The following NRXN3 variants were observed in gnomAD, a reference collection of about 807,000 sequenced individuals.
The protein encoded by NRXN3 is neurexin III.
NRXN3 carries 32 observed loss-of-function variants against 137.6 expected under a neutral mutation model. The observed-to-expected ratio is 0.23, with a 90% CI of 0.18 to 0.31. The LOEUF is 0.31. Ranked by LOEUF, NRXN3 falls within the 10% of genes least tolerant of loss-of-function variation. The pLI is 1.00. For synonymous variants in NRXN3, 798 were observed against 784.5 expected, an observed-to-expected ratio of 1.02 and a Z score of -0.29; for missense variants, 1,574 against 2,062.5, an observed-to-expected ratio of 0.76 and a Z score of 4.59.
intron 15 of NRXN3, among the ~76,000 whole-genome samples, chr14:79,274,724 A>G (rs1183063732): frequency 2.6e-5 from 4 of 152,198 alleles, no homozygotes; most frequent in Non-Finnish European, 4.4e-5. Context: ...TAATCCTTAA[A>G]GTAATGTGTA....
chr14:78,239,555 C>T (rs949858244), intron 1 of NRXN3, among the ~76,000 whole-genome samples: 2 of 152,184 alleles, frequency 1.3e-5, no homozygotes, highest in African/African-American at 2.4e-5. Context: ...CCACTCACTC[C>T]GCTCCAACAG....
At chr14:79,584,099 T>TG (rs1327201700) in intron 16 of NRXN3, among the ~76,000 whole-genome samples, 1 of 57,140 alleles carries the variant, frequency 1.8e-5, no homozygotes. Flanking sequence ...ACTAGGATAA[T>TG]TTTTTCTCCT....
intron 15 of NRXN3, among the ~76,000 whole-genome samples, chr14:79,064,739 G>GTATA (rs5809917): frequency 5.7e-5 from 8 of 140,574 alleles, no homozygotes; most frequent in African/African-American, 2.2e-4. Flanking sequence ...ATATGTATAT[G>GTATA]TATATATATA....
At chr14:79,830,859 G>A in intron 20 of NRXN3, among the ~76,000 whole-genome samples, 1 of 97,506 alleles carries the variant, frequency 1.0e-5, no homozygotes, top group East Asian at 2.9e-4. Context: ...ACTTTTATTT[G>A]GTGCAAGGCT....
At chr14:79,530,807 G>T (rs115545596) in intron 16 of NRXN3, among the ~76,000 whole-genome samples, 1,574 of 152,188 alleles carry the variant, frequency 0.01, 19 homozygotes, top group African/African-American at 0.036. Context: ...TTTTAGAATG[G>T]AAAATGGGAT....
At chr14:78,479,661 G>A (rs1346454205) in intron 4 of NRXN3, among the ~76,000 whole-genome samples, 1 of 152,136 alleles carries the variant, frequency 6.6e-6, no homozygotes, top group Non-Finnish European at 1.5e-5. Flanking sequence ...TCTTTTGGAC[G>A]CTAGTGAACT....
chr14:79,754,329 G>C (rs117169927), intron 19 of NRXN3, among the ~76,000 whole-genome samples: 1 of 151,576 alleles, frequency 6.6e-6, no homozygotes, highest in Non-Finnish European at 1.5e-5. Flanking sequence ...GGACGACAGA[G>C]CGAGACTCCA....
At chr14:78,309,703 A>C (rs1473693471) in intron 4 of NRXN3, among the ~76,000 whole-genome samples, 2 of 152,154 alleles carry the variant, frequency 1.3e-5, no homozygotes, top group Non-Finnish European at 2.9e-5. Flanking sequence ...AATTTATTTG[A>C]CATGAAACGC....
At chr14:78,849,651 A>G (rs1047890006) in intron 10 of NRXN3, among the ~76,000 whole-genome samples, 10 of 152,150 alleles carry the variant, frequency 6.6e-5, no homozygotes, top group African/African-American at 2.4e-4. Context: ...AATGCAACCT[A>G]TCACTGAAAT....
chr14:79,110,517 G>A (rs1480368674), intron 15 of NRXN3, among the ~76,000 whole-genome samples: 1 of 152,212 alleles, frequency 6.6e-6, no homozygotes, highest in African/African-American at 2.4e-5. Context: ...CAAAAGCTTA[G>A]AATGGTGCAT....
chr14:78,752,956 A>C (rs1348379870), intron 8 of NRXN3, among the ~76,000 whole-genome samples: 1 of 152,208 alleles, frequency 6.6e-6, no homozygotes, highest in Non-Finnish European at 1.5e-5. Context: ...TTGACTCAGC[A>C]TTGGCCCACG....
At chr14:79,412,346 G>T (rs2095429031) in intron 15 of NRXN3, among the ~76,000 whole-genome samples, 2 of 152,230 alleles carry the variant, frequency 1.3e-5, no homozygotes, top group East Asian at 3.9e-4. Context: ...AGGCTACAAA[G>T]AATTTGAGGC....
chr14:79,379,788 C>T lies in NRXN3; in HGVS notation c.3263-87433C>T, dbSNP rs75430748. ...GCCACTTTCCCCCACTCTAATTCTCCTTCTCCTTTCCATAAAACATGCTTT... is the reference window on the plus strand; with the variant it reads ...GCCACTTTCCCCCACTCTAATTCTCTTTCTCCTTTCCATAAAACATGCTTT... On this transcript the variant is annotated intron_variant, in intron 15 of 20. Transcript: ENST00000335750. Among the ~76,000 whole-genome samples the T allele has an allele frequency of 3.4e-3, 515 of 152,238 alleles. 2 individuals are homozygous for T. Among genetic ancestry groups the T allele is most frequent in the African/African-American group, 0.011 (475 of 41,550 alleles).
At chr14:78,854,600 G>A (rs186917127) in intron 10 of NRXN3, among the ~76,000 whole-genome samples, 85 of 152,252 alleles carry the variant, frequency 5.6e-4, no homozygotes, top group Middle Eastern at 3.4e-3. Context: ...TTAAGTGTGT[G>A]TATAAGTATA....
intron 15 of NRXN3, among the ~76,000 whole-genome samples, chr14:79,299,897 C>A (rs148477458): frequency 6.6e-6 from 1 of 151,998 alleles, no homozygotes; most frequent in Non-Finnish European, 1.5e-5. Context: ...CTATATATTG[C>A]GGGATATTTG....
chr14:78,968,782 T>C (rs752510536), intron 14 of NRXN3, among the ~76,000 whole-genome samples: 2 of 152,222 alleles, frequency 1.3e-5, no homozygotes, highest in Non-Finnish European at 2.9e-5. Context: ...AGTGACTGCA[T>C]TATTTAATGC....
At chr14:78,904,485 T>C (rs937299126) in intron 10 of NRXN3, among the ~76,000 whole-genome samples, 5 of 152,124 alleles carry the variant, frequency 3.3e-5, no homozygotes, top group African/African-American at 9.6e-5. Context: ...TTCCGCCTGT[T>C]GCATTTCTTT....
chr14:78,553,294 T>C (rs2096709712), intron 4 of NRXN3, among the ~76,000 whole-genome samples: 1 of 152,170 alleles, frequency 6.6e-6, no homozygotes, highest in Admixed American at 6.5e-5. Flanking sequence ...AAATCCAGCC[T>C]CTAGTTTGAG....
At chr14:79,095,475 C>A (rs1194593294) in intron 15 of NRXN3, among the ~76,000 whole-genome samples, 1 of 152,072 alleles carries the variant, frequency 6.6e-6, no homozygotes, top group African/African-American at 2.4e-5. Flanking sequence ...GAACTTCATT[C>A]ATTCATTCAT....
Sources: gnomAD v4.1 joint callset for allele counts (sites outside exome capture counted in the v4.1 genomes callset) on GRCh38, gnomAD v4.1.1 for gene constraint, MANE v1.5 for transcripts, NCBI Gene and HGNC (gene_info 2026-07-23, HGNC 2026-07-21) for gene names.